The following PLXDC2 variants were observed in gnomAD, a reference collection of about 807,000 sequenced individuals.
PLXDC2 encodes the protein plexin domain-containing protein 2.
PLXDC2 carries 40 observed loss-of-function variants against 68.9 expected under a neutral mutation model. The observed-to-expected ratio is 0.58, with a 90% CI of 0.45 to 0.76. The LOEUF is 0.76. Ranked by LOEUF, PLXDC2 falls within the 30% of genes least tolerant of loss-of-function variation. The pLI is 0.00. For missense variants in PLXDC2, 644 were observed against 661.9 expected (o/e 0.97, Z 0.30); for synonymous variants, 243 against 234.2 (o/e 1.04, Z -0.34).
At chr10:20,143,872 T>C (rs1271528986) in intron 5 of PLXDC2, among the ~76,000 whole-genome samples, 1 of 152,098 alleles carries the variant, frequency 6.6e-6, no homozygotes, top group East Asian at 1.9e-4. Flanking sequence ...AAGTAGTTAG[T>C]TGTGGGTAGT....
At chr10:20,081,859 T>C (rs1031079442) in intron 4 of PLXDC2, among the ~76,000 whole-genome samples, 18 of 151,254 alleles carry the variant, frequency 1.2e-4, no homozygotes, top group Admixed American at 6.6e-5. Context: ...GCCAACATGG[T>C]GAAACCCCAT....
At chr10:19,829,414 G>C (rs1358195450) in intron 1 of PLXDC2, among the ~76,000 whole-genome samples, 4 of 152,092 alleles carry the variant, frequency 2.6e-5, no homozygotes, top group Admixed American at 2.6e-4. Flanking sequence ...CTCATGCAAA[G>C]AGTTTTGTTG....
At chr10:20,098,189 TGAA>T (rs775328254) in intron 4 of PLXDC2, among the ~76,000 whole-genome samples, 9 of 152,120 alleles carry the variant, frequency 5.9e-5, no homozygotes, top group Non-Finnish European at 1.3e-4. Context: ...GTCCTTTAGC[TGAA>T]ATCAGAATTG....
intron 1 of PLXDC2, among the ~76,000 whole-genome samples, chr10:19,970,390 C>T (rs527466590): frequency 1.6e-4 from 24 of 152,258 alleles, no homozygotes; most frequent in Admixed American, 9.8e-4. Flanking sequence ...ATGACATTTC[C>T]AAGACAGTTC....
intron 2 of PLXDC2, among the ~76,000 whole-genome samples, chr10:20,044,350 G>T (rs1835759501): frequency 7.0e-6 from 1 of 142,716 alleles, no homozygotes; most frequent in Admixed American, 7.5e-5. Context: ...TTTCTCTGTT[G>T]CCCAGGCTGG....
intron 1 of PLXDC2, among the ~76,000 whole-genome samples, chr10:19,921,289 T>C (rs1158990386): frequency 1.3e-5 from 2 of 152,170 alleles, no homozygotes; most frequent in Non-Finnish European, 2.9e-5. Flanking sequence ...TTTTATGTGT[T>C]AAATTTGAGA....
At chr10:19,992,535 A>T (rs1050082879) in intron 1 of PLXDC2, among the ~76,000 whole-genome samples, 2 of 152,178 alleles carry the variant, frequency 1.3e-5, no homozygotes, top group Non-Finnish European at 2.9e-5. Flanking sequence ...TCCTTTTATT[A>T]TAAGATAAGA....
intron 4 of PLXDC2, among the ~76,000 whole-genome samples, chr10:20,082,071 A>AAC (rs1836575531): frequency 7.9e-6 from 1 of 126,824 alleles, no homozygotes; most frequent in African/African-American, 2.6e-5. Context: ...AATCAAAAAA[A>AAC]AAAAACAGGA....
At chr10:19,825,880 G>C (rs1482689174) in intron 1 of PLXDC2, among the ~76,000 whole-genome samples, 1 of 152,078 alleles carries the variant, frequency 6.6e-6, no homozygotes, top group East Asian at 1.9e-4. Context: ...CATTTGTCTG[G>C]TCAAAAGGGC....
intron 9 of PLXDC2, among the ~76,000 whole-genome samples, chr10:20,199,284 A>G (rs1460843102): frequency 6.6e-6 from 1 of 151,996 alleles, no homozygotes; most frequent in Non-Finnish European, 1.5e-5. Context: ...ACATGCAATA[A>G]TAAATATCAT....
chr10:20,005,680 G>C (rs1282120527), intron 2 of PLXDC2, among the ~76,000 whole-genome samples: 1 of 151,996 alleles, frequency 6.6e-6, no homozygotes. Flanking sequence ...AGAGTGAGGG[G>C]CATGGTGCTG....
chr10:19,890,319 A>G (rs1837930377), intron 1 of PLXDC2, among the ~76,000 whole-genome samples: 1 of 152,036 alleles, frequency 6.6e-6, no homozygotes, highest in Non-Finnish European at 1.5e-5. Context: ...TGTGATGCTG[A>G]GGTTTCGGGT....
At chr10:19,914,006 T>G (rs1014984671) in intron 1 of PLXDC2, among the ~76,000 whole-genome samples, 3 of 151,230 alleles carry the variant, frequency 2.0e-5, no homozygotes, top group Non-Finnish European at 4.4e-5. Flanking sequence ...TCCTCCATTT[T>G]CTACTGAAAA....
intron 1 of PLXDC2, among the ~76,000 whole-genome samples, chr10:19,834,290 A>G (rs567407487): frequency 2.1e-4 from 32 of 152,218 alleles, no homozygotes; most frequent in African/African-American, 7.7e-4. Context: ...GCCCCTGGTT[A>G]GATCAAGAAC....
chr10:20,130,488 C>T (rs566083347), intron 4 of PLXDC2, among the ~76,000 whole-genome samples: 8 of 151,952 alleles, frequency 5.3e-5, no homozygotes, highest in African/African-American at 1.7e-4. Flanking sequence ...TCTTTTATTT[C>T]TTTTTTCTTG....
chr10:19,908,035 G>A (rs1833199144), intron 1 of PLXDC2, among the ~76,000 whole-genome samples: 1 of 152,040 alleles, frequency 6.6e-6, no homozygotes, highest in African/African-American at 2.4e-5. Flanking sequence ...ATAAAAGCGG[G>A]ATGTCACTCT....
At chr10:19,898,174 T>G (rs1838094845) in intron 1 of PLXDC2, among the ~76,000 whole-genome samples, 1 of 152,240 alleles carries the variant, frequency 6.6e-6, no homozygotes, top group Non-Finnish European at 1.5e-5. Context: ...GTTTATTTTT[T>G]ATTTGTATTT....
At chr10:20,050,008 C>T (rs1175461918) in intron 3 of PLXDC2, among the ~76,000 whole-genome samples, 1 of 152,090 alleles carries the variant, frequency 6.6e-6, no homozygotes, top group Non-Finnish European at 1.5e-5. Context: ...GGTACAAAAA[C>T]AGTCACACAG....
At chr10:19,968,312 T>C (rs34255299) in intron 1 of PLXDC2, among the ~76,000 whole-genome samples, 30,835 of 152,100 alleles carry the variant, frequency 0.2, 3,913 homozygotes, top group South Asian at 0.36. Context: ...ATCTCCTTCA[T>C]TGCTTTTTTG....
Sources: gnomAD v4.1 joint callset for allele counts (sites outside exome capture counted in the v4.1 genomes callset) on GRCh38, gnomAD v4.1.1 for gene constraint, MANE v1.5 for transcripts, NCBI Gene and HGNC (gene_info 2026-07-23, HGNC 2026-07-21) for gene names.